The following VPS13A variants were observed in gnomAD, a reference collection of about 807,000 sequenced individuals.
VPS13A encodes intermembrane lipid transfer protein VPS13A.
Under a neutral mutation model 390.9 loss-of-function variants are expected in VPS13A, and 264 were observed. That is an observed-to-expected ratio of 0.68 (90% CI 0.61 to 0.75). The LOEUF is 0.75. Ranked by LOEUF, VPS13A falls within the 30% of genes least tolerant of loss-of-function variation. The probability of loss-of-function intolerance (pLI) is 0.00; values close to 1 mark genes in which losing one functional copy is unlikely to be tolerated. For synonymous variants in VPS13A, 1,231 were observed against 1,227.1 expected (o/e 1.00, Z -0.07); for missense variants, 3,409 against 3,733.9 (o/e 0.91, Z 2.27).
Position 77,311,176 on chromosome 9 carries a change from G to A in VPS13A, c.4115-2816G>A, listed in dbSNP as rs534552771. Among the ~76,000 whole-genome samples, 15 of 151,954 alleles carry A rather than the reference G, an allele frequency of 9.9e-5. No homozygotes were observed. The South Asian group carries it at 2.9e-3, about 30-fold the overall frequency. On this transcript the variant is annotated intron_variant, in intron 35 of 71. Coordinates refer to ENST00000360280, the MANE Select transcript of VPS13A (RefSeq NM_033305.3). ...CCTGACCTCGTGATCCCCCTGCCTC[G>A]GTCTCCCAAAGTGCTGGGATTACAG...
chr9:77,197,502 T>TA, intron 1 of VPS13A, among the ~76,000 whole-genome samples: 1 of 152,204 alleles, frequency 6.6e-6, no homozygotes, highest in Admixed American at 6.5e-5. Flanking sequence ...GGTTTTATCA[T>TA]TATATAATGC....
At chr9:77,358,939 C>T (rs1831970581) in intron 57 of VPS13A, among the ~76,000 whole-genome samples, 1 of 152,132 alleles carries the variant, frequency 6.6e-6, no homozygotes, top group African/African-American at 2.4e-5. Flanking sequence ...CCCACCTCCA[C>T]CCCACACCAC....
chr9:77,208,708 C>T (rs997421847), intron 5 of VPS13A, among the ~76,000 whole-genome samples: 5 of 152,084 alleles, frequency 3.3e-5, no homozygotes, highest in Admixed American at 6.6e-5. Context: ...GACCACCATA[C>T]CTGCCTAATT....
intron 35 of VPS13A, among the ~76,000 whole-genome samples, chr9:77,309,605 AC>A (rs1244688419): frequency 6.6e-6 from 1 of 152,178 alleles, no homozygotes; most frequent in Non-Finnish European, 1.5e-5. Context: ...AACAATTATA[AC>A]AATATACTGT....
rs111267989 is a variant in VPS13A at position 77,301,666 on chromosome 9, G to C, written c.3813-1249G>C. Among the ~76,000 whole-genome samples, 384 of 152,250 alleles carry C rather than the reference G, an allele frequency of 2.5e-3. 1 individual carries two copies. The highest frequency in any genetic ancestry group is 8.7e-3 in the African/African-American group (362 of 41,548). The stretch of plus-strand genomic sequence containing the variant: ...AGATTGTCACTTTGAGGTACAATGG[G>C]AGGCTTCTATGGTCACATTGTTACT... On this transcript the variant is annotated intron_variant, in intron 33 of 71. Transcript: ENST00000360280.
intron 52 of VPS13A, among the ~76,000 whole-genome samples, chr9:77,348,556 A>G (rs932256395): frequency 1.3e-5 from 2 of 152,076 alleles, no homozygotes; most frequent in African/African-American, 2.4e-5. Flanking sequence ...GCAAACCACC[A>G]TGGAATACAT....
chr9:77,329,803 A>G (rs1428112236), intron 45 of VPS13A, among the ~76,000 whole-genome samples: 2 of 152,230 alleles, frequency 1.3e-5, no homozygotes, highest in African/African-American at 4.8e-5. Context: ...TGAATTTACT[A>G]CTTTTGATAG....
intron 23 of VPS13A, among the ~76,000 whole-genome samples, chr9:77,270,794 G>C (rs1449075120): frequency 1.3e-5 from 2 of 152,164 alleles, no homozygotes; most frequent in Non-Finnish European, 2.9e-5. Context: ...TTCAACATAT[G>C]GTTCTGAAAC....
At chr9:77,351,482 T>G (rs367759714) in intron 53 of VPS13A, 36 bp downstream of exon 53, 1 of 1,604,352 alleles carries the variant, frequency 6.2e-7, no homozygotes, top group African/African-American at 1.3e-5. Flanking sequence ...CCCAGCAGCC[T>G]TTTTTAAAAA....
At chr9:77,250,064 T>C (rs1429772713) in intron 20 of VPS13A, 33 bp from the exon 21 acceptor site, 1 of 1,610,928 alleles carries the variant, frequency 6.2e-7, no homozygotes, top group Non-Finnish European at 8.5e-7. Context: ...TGAAGTATTT[T>C]GCATAGTCTA....
chr9:77,302,858 T>A, intron 33 of VPS13A, 57 bp from the exon 34 acceptor site: 6 of 1,537,820 alleles, frequency 3.9e-6, no homozygotes, highest in Non-Finnish European at 5.4e-6. Context: ...GTTAATCTTT[T>A]TTTAACTACC....
intron 17 of VPS13A, among the ~76,000 whole-genome samples, chr9:77,236,170 C>T (rs1393799891): frequency 1.3e-5 from 2 of 152,028 alleles, no homozygotes; most frequent in African/African-American, 4.8e-5. Flanking sequence ...GGGACATAAC[C>T]CCATTATAAG....
At chr9:77,393,988 G>A (rs1023696496) in intron 68 of VPS13A, among the ~76,000 whole-genome samples, 2 of 152,000 alleles carry the variant, frequency 1.3e-5, no homozygotes, top group Admixed American at 6.5e-5. Flanking sequence ...GGCTGGGGAC[G>A]ATCTCCTGAC....
chr9:77,360,507 T>A (rs1465010622), intron 58 of VPS13A, 29 bp from the exon 59 acceptor site: 25 of 1,529,604 alleles, frequency 1.6e-5, no homozygotes, highest in Admixed American at 5.0e-5. Context: ...TGATGATTTT[T>A]AAAAAATGTT....
chr9:77,209,591 T>G (rs1590001522), intron 6 of VPS13A, 59 bp downstream of exon 6: 1 of 1,083,662 alleles, frequency 9.2e-7, no homozygotes, highest in East Asian at 2.6e-5. Flanking sequence ...ATTTTACTAT[T>G]TAATGACACC....
Position 77,212,025 on chromosome 9 carries a change from G to A in VPS13A, c.556-944G>A, listed in dbSNP as rs144552108. Among the ~76,000 whole-genome samples the A allele has an allele frequency of 4.3e-3, 651 of 152,266 alleles. 4 individuals are homozygous for A. The highest frequency in any genetic ancestry group is 1.0e-2 in the South Asian group (48 of 4,818). On this transcript the variant is annotated intron_variant, in intron 7 of 71. Transcript: ENST00000360280. ...AAAGTTATCTCCTATGAAACTGGTC[G>A]TTGGTGCCAAAAAGGTTGGGGACCA... is the stretch of plus-strand genomic sequence containing the variant.
chr9:77,389,634 TTTTC>T (rs1156717757), intron 68 of VPS13A: 1 of 152,134 alleles, frequency 6.6e-6, no homozygotes, highest in African/African-American at 2.4e-5. Context: ...GTAGAAGCTT[TTTTC>T]TTTTTCGTTA....
intron 8 of VPS13A, 53 bp from the exon 9 acceptor site, chr9:77,213,181 T>G: frequency 6.4e-7 from 1 of 1,573,922 alleles, no homozygotes; most frequent in Non-Finnish European, 8.7e-7. Context: ...GAAAATAGTG[T>G]ATGATAAAAA....
chr9:77,370,770 A>G (rs1563967788), intron 65 of VPS13A, 120 bp from the exon 66 acceptor site: 1 of 1,438,312 alleles, frequency 7.0e-7, no homozygotes, highest in African/African-American at 1.4e-5. Flanking sequence ...TACTTAGGAG[A>G]TCTGTTAATT....
Sources: allele counts gnomAD v4.1 joint callset (sites outside exome capture counted in the v4.1 genomes callset), GRCh38; gene constraint gnomAD v4.1.1; transcripts MANE v1.5; gene names NCBI Gene and HGNC (gene_info 2026-07-23, HGNC 2026-07-21).